The following KCNAB2 variants were observed in gnomAD, a reference collection of about 807,000 sequenced individuals.
KCNAB2 encodes potassium voltage-gated channel subfamily A regulatory beta subunit 2, also known as voltage-gated potassium channel subunit beta-2.
A neutral mutation model predicts 63.6 loss-of-function variants in KCNAB2; 29 were observed. The observed-to-expected ratio is 0.46, with a 90% CI of 0.34 to 0.62. The LOEUF is 0.62. KCNAB2 is among the 20% of genes least tolerant of loss of function. The pLI is 0.01. For synonymous variants in KCNAB2, 222 were observed against 224.2 expected, an observed-to-expected ratio of 0.99 and a Z score of 0.09; for missense variants, 359 against 563.9, an observed-to-expected ratio of 0.64 and a Z score of 3.68.
intron 2 of KCNAB2, among the ~76,000 whole-genome samples, chr1:6,064,880 G>C (rs1306346651): frequency 6.6e-6 from 1 of 152,166 alleles, no homozygotes; most frequent in East Asian, 1.9e-4. Context: ...AGAGGATGAA[G>C]TAAAGTAGGG....
Position 6,071,280 on chromosome 1 carries a change from G to T in KCNAB2, c.219-1475G>T, listed in dbSNP as rs759985440. Among the ~76,000 whole-genome samples, 9 of 152,302 alleles carry T rather than the reference G, an allele frequency of 5.9e-5. No individual in the cohort carries two copies. The highest frequency in any genetic ancestry group is 1.0e-4 in the Non-Finnish European group (7 of 68,032). ...TGTCATGGCCCCAGGGAAATGCAGGGCCCTTGGGCCAGGAGGCTGGGCCTC... is the reference window on the plus strand; with the variant it reads ...TGTCATGGCCCCAGGGAAATGCAGGTCCCTTGGGCCAGGAGGCTGGGCCTC... On this transcript the variant is annotated intron_variant, in intron 2 of 15. Coordinates refer to ENST00000378083, the MANE Select transcript of KCNAB2 (RefSeq NM_001199862.2). The surrounding 1 kb of genome is among the most constrained non-coding windows in gnomAD (Gnocchi z 8.5).
intron 6 of KCNAB2, 62 bp downstream of exon 6, chr1:6,085,310 C>A: frequency 6.8e-7 from 1 of 1,475,132 alleles, no homozygotes; most frequent in Non-Finnish European, 9.5e-7. Flanking sequence ...ATCCCAGGGT[C>A]AGCCTCGTCG....
Position 6,028,339 on chromosome 1 carries a change from C to A in KCNAB2, c.-52-12178C>A, listed in dbSNP as rs963201359. On this transcript the variant is annotated intron_variant, in intron 1 of 16. Transcript: ENST00000341524. This position sits in a 1 kb window ranked among gnomAD's most constrained non-coding sequence, Gnocchi z 4.0. ...CAGTCACTGCCATGGCTCCTCTAGG[C>A]TCTGGCACGCAGAACAAGCAGACCA... 6.6e-6 allele frequency among the ~76,000 whole-genome samples: 1 copy of A among 152,254 alleles called. No homozygotes were observed. Among genetic ancestry groups the A allele is most frequent in the Non-Finnish European group, 1.5e-5 (1 of 68,054 alleles).
At position 6,078,788 on chromosome 1, in the gene KCNAB2, T is replaced by C. The variant is rs911999880; in HGVS notation, c.301-3407T>C. Among the ~76,000 whole-genome samples the C allele has an allele frequency of 9.9e-5, 15 of 152,094 alleles. No individual in the cohort carries two copies. The highest frequency in any genetic ancestry group is 3.4e-4 in the African/African-American group (14 of 41,350). ...AGAGTTCAGCGTGTGCACGATCCCATGTACTCGGAAGGCACATCCTGATGT... is the reference window on the plus strand; with the variant it reads ...AGAGTTCAGCGTGTGCACGATCCCACGTACTCGGAAGGCACATCCTGATGT... On this transcript the variant is annotated intron_variant, in intron 4 of 15. Transcript: ENST00000378083. This position sits in a 1 kb window ranked among gnomAD's most constrained non-coding sequence, Gnocchi z 4.2.
At chr1:6,089,134 G>T (rs377467422) in intron 8 of KCNAB2, 83 bp downstream of exon 8, 4 of 1,402,564 alleles carry the variant, frequency 2.9e-6, no homozygotes, top group Non-Finnish European at 2.9e-6. Flanking sequence ...CACAGGGCCC[G>T]ACCCCCCCAG....
At chr1:6,067,942 A>T (rs1238919760) in intron 2 of KCNAB2, among the ~76,000 whole-genome samples, 4 of 152,130 alleles carry the variant, frequency 2.6e-5, no homozygotes, top group African/African-American at 9.7e-5. Flanking sequence ...GAGGTGGGAG[A>T]ATTACTTGAA....
In KCNAB2 at chr1:6,071,671, G is replaced by A. The variant is rs554050388; in HGVS notation, c.219-1084G>A. Among the ~76,000 whole-genome samples the A allele has an allele frequency of 2.6e-5, 4 of 152,168 alleles. No homozygotes were observed. In the East Asian group the frequency reaches 5.8e-4, roughly 22 times the overall value. On this transcript the variant is annotated intron_variant, in intron 2 of 15. Coordinates refer to ENST00000378083, the MANE Select transcript of KCNAB2 (RefSeq NM_001199862.2). This position sits in a 1 kb window ranked among gnomAD's most constrained non-coding sequence, Gnocchi z 8.5. ...CCTGCCGCTTAGGACTCCTGCCACC[G>A]CGTAGGGCTCTGCTGCGTAGGACTC...
chr1:6,015,264 C>A (rs1266866340), intron 1 of KCNAB2, among the ~76,000 whole-genome samples: 1 of 152,052 alleles, frequency 6.6e-6, no homozygotes, highest in Non-Finnish European at 1.5e-5. Context: ...TCTTGACCTC[C>A]GGTGATCCAC....
At position 6,073,765 on chromosome 1, in the gene KCNAB2, G is replaced by A. The variant is rs1375489342; in HGVS notation, c.295G>A (p.Asp99Asn). The A allele has an allele frequency of 3.7e-6, 6 of 1,613,992 alleles. No homozygotes were observed. Among genetic ancestry groups the A allele is most frequent in the Admixed American group, 3.3e-5 (2 of 60,010 alleles). The change falls in exon 4 of 16, where the codon GAT becomes AAT. Residue 99 changes from aspartate to asparagine, a missense_variant. Transcript: ENST00000378083. This position sits in a 1 kb window ranked among gnomAD's most constrained non-coding sequence, Gnocchi z 5.7. ...TWVTFGGQIT[D>N]EMAEQLMTLA... ...GGTGACCTTCGGAGGCCAGATCACC[G>A]ATGAGGTAAGATGGGGCTCTCCCAG...
chr1:6,059,238 T>C (rs769035555), intron 2 of KCNAB2, among the ~76,000 whole-genome samples: 4 of 152,172 alleles, frequency 2.6e-5, no homozygotes, highest in African/African-American at 4.8e-5. Context: ...TCGCCCAGGC[T>C]GGAGTGCAGT....
At chr1:5,999,086 G>T (rs1657093897) in intron 1 of KCNAB2, among the ~76,000 whole-genome samples, 1 of 152,246 alleles carries the variant, frequency 6.6e-6, no homozygotes, top group Admixed American at 6.5e-5. Context: ...GATTTCAACG[G>T]CGCATTCTTC....
intron 5 of KCNAB2, among the ~76,000 whole-genome samples, chr1:6,084,842 T>G (rs1199052692): frequency 6.6e-6 from 1 of 151,910 alleles, no homozygotes; most frequent in East Asian, 1.9e-4. Flanking sequence ...TCTCTGGAAA[T>G]TTTGCCCACC....
chr1:6,087,328 A>G lies in KCNAB2; in HGVS notation c.426-139A>G. ...ACGTGGTACACATCATATGATGGAG[A>G]AGTGCCCATTTCATGCCCCAGGCTC... On this transcript the variant is annotated intron_variant, in intron 6 of 15. Transcript: ENST00000378083. This position sits in a 1 kb window ranked among gnomAD's most constrained non-coding sequence, Gnocchi z 6.4. 1.1e-6 allele frequency: 1 copy of G among 884,802 alleles called. No individual in the cohort carries two copies. The highest frequency in any genetic ancestry group is 1.9e-6 in the Non-Finnish European group (1 of 529,554). 54.8% of individuals were successfully genotyped at this position (884,802 alleles called of 1,614,324 possible).
At chr1:6,034,195 T>C (rs1659850407), upstream of KCNAB2, 1 of 152,318 alleles carries the variant, frequency 6.6e-6, no homozygotes, top group East Asian at 1.9e-4. Context: ...CCTTGGCAGA[T>C]GCAGTCGCTC....
rs1425526803 is a variant in KCNAB2 at position 6,073,312 on chromosome 1, A to G, written c.263-421A>G. On this transcript the variant is annotated intron_variant, in intron 3 of 15. Coordinates refer to ENST00000378083, the MANE Select transcript of KCNAB2 (RefSeq NM_001199862.2). The surrounding 1 kb of genome is among the most constrained non-coding windows in gnomAD (Gnocchi z 5.7). ...CAGTACACACACCCCGCCCCCCACCAGCACCCACTGCCCTGACACCGCCCT... is the reference window on the plus strand; with the variant it reads ...CAGTACACACACCCCGCCCCCCACCGGCACCCACTGCCCTGACACCGCCCT... Among the ~76,000 whole-genome samples the G allele has an allele frequency of 1.3e-5, 2 of 149,588 alleles. No homozygotes were observed. Among genetic ancestry groups the G allele is most frequent in the African/African-American group, 5.0e-5 (2 of 40,284 alleles).
rs761201055 is a variant in KCNAB2 at position 6,004,193 on chromosome 1, G to C, written c.-53+11405G>C. Among the ~76,000 whole-genome samples, 120 of 151,450 alleles carry C rather than the reference G, an allele frequency of 7.9e-4. 2 individuals are homozygous for C. Among genetic ancestry groups the C allele is most frequent in the Non-Finnish European group, 1.6e-3 (106 of 67,896 alleles). On this transcript the variant is annotated intron_variant, in intron 1 of 16. Transcript: ENST00000341524. The stretch of plus-strand genomic sequence containing the variant: ...CACTTCCCACAAAAGAAGGTTGTTT[G>C]TCTGCTTCTCATAGAACCTGCTCTG...
intron 2 of KCNAB2, among the ~76,000 whole-genome samples, chr1:6,072,549 A>G (rs1387512534): frequency 1.3e-5 from 2 of 152,136 alleles, no homozygotes; most frequent in Non-Finnish European, 2.9e-5. Context: ...TGCCAGCAGC[A>G]TGGTGTGGGC....
At chr1:6,034,093 T>C (rs1659843157), upstream of KCNAB2, among the ~76,000 whole-genome samples, 1 of 152,216 alleles carries the variant, frequency 6.6e-6, no homozygotes, top group Admixed American at 6.5e-5. Context: ...CCAGCTTAGC[T>C]GTGCCTGCCT....
At chr1:6,072,987 G>A (rs1663344455) in intron 3 of KCNAB2, among the ~76,000 whole-genome samples, 189 bp downstream of exon 3, 2 of 152,048 alleles carry the variant, frequency 1.3e-5, no homozygotes, top group Non-Finnish European at 2.9e-5. Flanking sequence ...AGGTGGGAGG[G>A]GGGCTGGGAT....
Sources: allele counts gnomAD v4.1 joint callset (sites outside exome capture counted in the v4.1 genomes callset), GRCh38; gene constraint gnomAD v4.1.1; non-coding constraint Gnocchi (gnomAD v3.1); transcripts MANE v1.5; gene names NCBI Gene and HGNC (gene_info 2026-07-23, HGNC 2026-07-21).